The following CCDC90B variants were observed in gnomAD, a reference collection of about 807,000 sequenced individuals.
CCDC90B encodes the protein coiled-coil domain containing 90B.
A neutral mutation model predicts 37.0 loss-of-function variants in CCDC90B; 24 were observed. That is an observed-to-expected ratio of 0.65 (90% confidence interval 0.47 to 0.91). The LOEUF (loss-of-function observed/expected upper bound fraction) is 0.91, where lower values mean the gene tolerates loss of function less well. Ranked by LOEUF, CCDC90B falls within the 40% of genes least tolerant of loss-of-function variation. The pLI, the probability that CCDC90B is intolerant of heterozygous loss-of-function variation, is 0.00. For synonymous variants in CCDC90B, 113 were observed against 101.1 expected (o/e 1.12, Z -0.71); for missense variants, 319 against 299.0 (o/e 1.07, Z -0.49).
At chr11:83,285,518 CAAAAG>C (rs1265911631) in intron 1 of CCDC90B, 5 of 1,153,144 alleles carry the variant, frequency 4.3e-6, no homozygotes, top group South Asian at 2.0e-5. Flanking sequence ...GATCAGGCCA[CAAAAG>C]AAAACAGGAC....
chr11:83,270,549 T>G (rs368148095), intron 7 of CCDC90B, among the ~76,000 whole-genome samples: 1 of 152,260 alleles, frequency 6.6e-6, no homozygotes, highest in Admixed American at 6.5e-5. Flanking sequence ...CCATTCACAA[T>G]TGCTACAAAG....
At chr11:83,273,237 A>T (rs942307518) in intron 7 of CCDC90B, 1 of 151,378 alleles carries the variant, frequency 6.6e-6, no homozygotes, top group Admixed American at 6.6e-5. Context: ...TTTGTCTTTT[A>T]AAAAATAGTT....
intron 1 of CCDC90B, chr11:83,285,508 G>GA: frequency 8.8e-7 from 1 of 1,132,104 alleles, no homozygotes; most frequent in African/African-American, 1.6e-5. Context: ...ATCAAAATTT[G>GA]ATCAGGCCAC....
At chr11:83,265,319 G>T (rs1305741904) in intron 8 of CCDC90B, among the ~76,000 whole-genome samples, 1 of 151,880 alleles carries the variant, frequency 6.6e-6, no homozygotes, top group Non-Finnish European at 1.5e-5. Flanking sequence ...CCCTCCTCCA[G>T]GTTTTTAATG....
Position 83,280,230 on chromosome 11 carries a change from T to C in CCDC90B, c.131A>G (p.Tyr44Cys). 1 of 1,613,436 alleles carries C rather than the reference T, an allele frequency of 6.2e-7. No individual in the cohort carries two copies. The change falls in exon 2 of 9, where the codon TAT (tyrosine) becomes TGT (cysteine). Residue 44 changes from tyrosine (Y) to cysteine (C), a missense_variant. Physicochemically the swap from Tyr to Cys is radical, Grantham distance 194 (BLOSUM62 -2). Transcript: ENST00000529689. ...EFFTTTTKEG[Y>C]DRRPVDITPL... ...AGTTATATCCACTGGCCGCCTATCA[T>C]ATCCCTCCTTGGTTGTGGTAGTGAA...
rs1865643515 is a variant in CCDC90B at position 83,285,727 on chromosome 11, A to G, written c.100+146T>C. On this transcript the variant is annotated intron_variant, in intron 1 of 8. Transcript: ENST00000529689. ...GGCGAGCTGGGCAAGTCGGGGCAGC[A>G]GGCAGCGGCGTCGCCCAGCACAAGG... The G allele has an allele frequency of 5.5e-6, 8 of 1,444,344 alleles. No homozygotes were observed. The Admixed American group carries it at 1.9e-4, about 35-fold the overall frequency. The allele number at this position is 1,444,344 out of a possible 1,614,324, so 89.5% of individuals were successfully genotyped here.
chr11:83,272,864 C>T (rs1864764386), intron 7 of CCDC90B, among the ~76,000 whole-genome samples: 1 of 152,142 alleles, frequency 6.6e-6, no homozygotes, highest in African/African-American at 2.4e-5. Flanking sequence ...GAGATGAAGT[C>T]ATGATTACAT....
chr11:83,271,355 A>G (rs1234471131), intron 7 of CCDC90B, among the ~76,000 whole-genome samples: 1 of 152,214 alleles, frequency 6.6e-6, no homozygotes, highest in African/African-American at 2.4e-5. Flanking sequence ...AATGGGAGAA[A>G]ATTTTTGCAA....
Position 83,285,978 on chromosome 11 carries a change from C to CA in CCDC90B, c.-7dup, listed in dbSNP as rs1358576177. 6 of 1,607,122 alleles carry CA rather than the reference C, an allele frequency of 3.7e-6. No homozygotes were observed. In the East Asian group the frequency reaches 6.7e-5, roughly 18 times the overall value. ...CAAGCCTGGCGACTATTCATGTCCT[C>CA]AGAGTTTTCCGGTGGGAGGGAGGCG... On this transcript the variant is annotated 5_prime_UTR_variant, in exon 1 of 9. Transcript: ENST00000529689.
intron 7 of CCDC90B, among the ~76,000 whole-genome samples, chr11:83,268,316 G>A (rs1864420873): frequency 6.6e-6 from 1 of 151,992 alleles, no homozygotes; most frequent in Admixed American, 6.6e-5. Flanking sequence ...TGGCAAATTG[G>A]ATAGAATCAA....
chr11:83,263,244 T>C (rs1475913169), intron 8 of CCDC90B, among the ~76,000 whole-genome samples: 2 of 152,236 alleles, frequency 1.3e-5, no homozygotes, highest in Non-Finnish European at 2.9e-5. Context: ...AATTAAGTTT[T>C]AGATAACCAA....
At chr11:83,285,626 G>A in intron 1 of CCDC90B, 2 of 1,346,638 alleles carry the variant, frequency 1.5e-6, no homozygotes, top group Non-Finnish European at 1.9e-6. Context: ...GAAAGAAGCC[G>A]GGCGCGAAGC....
rs369272148 is a variant in CCDC90B, at chr11:83,277,870, A to G, written c.324+856T>C. Among the ~76,000 whole-genome samples, 39 of 152,322 alleles carry G rather than the reference A, an allele frequency of 2.6e-4. 1 individual carries two copies. In the East Asian group the frequency reaches 7.3e-3, roughly 29 times the overall value. On this transcript the variant is annotated intron_variant, in intron 3 of 8. Coordinates refer to ENST00000529689, the MANE Select transcript of CCDC90B (RefSeq NM_021825.5). The stretch of plus-strand genomic sequence containing the variant: ...ATTTTATGCAAAATATTCTAATTTT[A>G]TATAAGAAATCCTGATTTTTCTCTG...
At chr11:83,285,032 GAT>G (rs1865597169) in intron 1 of CCDC90B, 1 of 798,550 alleles carries the variant, frequency 1.3e-6, no homozygotes, top group Non-Finnish European at 1.6e-6. Context: ...TACTGGTGTG[GAT>G]TAAAATGAAA....
chr11:83,286,117 A>G lies in CCDC90B; in HGVS notation c.-145T>C, dbSNP rs1865678669. 1 of 1,536,450 alleles carries G rather than the reference A, an allele frequency of 6.5e-7. No homozygotes were observed. Among genetic ancestry groups the G allele is most frequent in the Non-Finnish European group, 8.7e-7 (1 of 1,146,920 alleles). ...AAGCTCACCTCCCAGCGCAGGCGCC[A>G]CCGTGGTCCCACGAAACTGGGTCTC... On this transcript the variant is annotated 5_prime_UTR_variant, in exon 1 of 9. Coordinates refer to ENST00000529689, the MANE Select transcript of CCDC90B (RefSeq NM_021825.5).
At chr11:83,283,464 T>C (rs2135675176) in intron 1 of CCDC90B, among the ~76,000 whole-genome samples, 1 of 152,360 alleles carries the variant, frequency 6.6e-6, no homozygotes, top group East Asian at 1.9e-4. Context: ...TCCTTATATG[T>C]GCTCAAATAT....
Position 83,286,134 on chromosome 11 carries a change from C to T in CCDC90B, c.-162G>A. ...CAGGCGCCACCGTGGTCCCACGAAA[C>T]TGGGTCTCTTCACAGACAGACCCAC... On this transcript the variant is annotated 5_prime_UTR_variant, in exon 1 of 9. Transcript: ENST00000529689. 6.5e-7 allele frequency: 1 copy of T among 1,536,302 alleles called. No homozygotes were observed. Among genetic ancestry groups the T allele is most frequent in the African/African-American group, 1.4e-5 (1 of 73,192 alleles).
Position 83,286,176 on chromosome 11 carries a change from T to C in CCDC90B, c.-204A>G, listed in dbSNP as rs1228893243. ...CAGACCCACAGTTCGCGAGCATGGCTCAGCGCTGCCCCGCTTCTCCCAGCG... is the reference window on the plus strand; with the variant it reads ...CAGACCCACAGTTCGCGAGCATGGCCCAGCGCTGCCCCGCTTCTCCCAGCG... On this transcript the variant is annotated 5_prime_UTR_variant, in exon 1 of 9. Transcript: ENST00000529689. 3.3e-6 allele frequency: 5 copies of C among 1,535,670 alleles called. No individual in the cohort carries two copies. Among genetic ancestry groups the C allele is most frequent in the Admixed American group, 3.9e-5 (2 of 50,978 alleles).
Position 83,261,951 on chromosome 11 carries a change from C to G in CCDC90B, c.725G>C (p.Cys242Ser). 6.3e-7 allele frequency: 1 copy of G among 1,599,108 alleles called. No homozygotes were observed. Among genetic ancestry groups the G allele is most frequent in the Non-Finnish European group, 8.5e-7 (1 of 1,171,830 alleles). Residue 242 changes from cysteine to serine, a missense_variant, in exon 9 of 9, where the codon TGC becomes TCC. By Grantham distance (112) the Cys-to-Ser change is moderately radical. Coordinates refer to ENST00000529689, the MANE Select transcript of CCDC90B (RefSeq NM_021825.5). ...ATAAAATCCCAATGCTATTGCCAGGCAAGTAAACACCGAAGCTGTGAAAAG... is the reference window on the plus strand; with the variant it reads ...ATAAAATCCCAATGCTATTGCCAGGGAAGTAAACACCGAAGCTGTGAAAAG... Reference protein sequence around the residue: ...IRYLAASVFTCLAIALGFYRF... With the variant: ...IRYLAASVFTSLAIALGFYRF...
Sources: allele counts gnomAD v4.1 joint callset (sites outside exome capture counted in the v4.1 genomes callset), GRCh38; gene constraint gnomAD v4.1.1; transcripts MANE v1.5; gene names NCBI Gene and HGNC (gene_info 2026-07-23, HGNC 2026-07-21).